The following BNC2 variants were observed in gnomAD, a reference collection of about 807,000 sequenced individuals.
BNC2 encodes the protein basonuclin zinc finger protein 2, also known as zinc finger protein basonuclin-2.
BNC2 carries 20 observed loss-of-function variants against 76.3 expected under a neutral mutation model. The observed-to-expected ratio is 0.26, with a 90% CI of 0.18 to 0.38. The LOEUF (loss-of-function observed/expected upper bound fraction) is 0.38. Ranked by LOEUF, BNC2 falls within the 10% of genes least tolerant of loss-of-function variation. The pLI is 1.00. For missense variants in BNC2, 1,382 were observed against 1,399.8 expected, an observed-to-expected ratio of 0.99 and a Z score of 0.20; for synonymous variants, 582 against 514.8, an observed-to-expected ratio of 1.13 and a Z score of -1.77.
At chr9:16,673,318 T>C (rs1404416265) in intron 3 of BNC2, among the ~76,000 whole-genome samples, 1 of 152,128 alleles carries the variant, frequency 6.6e-6, no homozygotes. Context: ...GTAGCTCTTA[T>C]AATAAACTTT....
intron 3 of BNC2, among the ~76,000 whole-genome samples, chr9:16,583,840 G>GCAGAAAA (rs1209043568): frequency 1.3e-5 from 2 of 152,090 alleles, no homozygotes; most frequent in South Asian, 4.1e-4. Context: ...CACCTGTATT[G>GCAGAAAA]CAGAAAACTG....
intron 1 of BNC2, among the ~76,000 whole-genome samples, chr9:16,857,805 T>A (rs1169338370): frequency 6.6e-6 from 1 of 152,186 alleles, no homozygotes; most frequent in Non-Finnish European, 1.5e-5. Context: ...ATTACTTAGA[T>A]GAAAATAAAT....
rs193215248 is a variant in BNC2 at position 16,739,494 on chromosome 9, C to A, written c.4-1009G>T. On this transcript the variant is annotated intron_variant, in intron 1 of 6. Transcript: ENST00000380672. ...GACCATCCTGGCCAAAATGGTGAAA[C>A]CCCGTCTCTACTAAAAATACAAAAG... is the stretch of plus-strand genomic sequence containing the variant. Among the ~76,000 whole-genome samples, 842 of 152,248 alleles carry A rather than the reference C, an allele frequency of 5.5e-3. 10 individuals are homozygous for A. The highest frequency in any genetic ancestry group is 0.018 in the African/African-American group (743 of 41,528).
In BNC2 at chr9:16,539,669, AGGGAGGG is replaced by A. The variant is rs1818246903; in HGVS notation, c.669+12854_669+12860del. ...AGAGAGAGAGAGAAGGGAGGGAGGGAGGGAGGGAGGAAGGAAGGAAGGGAGAAAGGAA... is the reference window on the plus strand; with the variant it reads ...AGAGAGAGAGAGAAGGGAGGGAGGGAAGGAAGGAAGGAAGGGAGAAAGGAA... On this transcript the variant is annotated intron_variant, in intron 5 of 6. Transcript: ENST00000380672. Among the ~76,000 whole-genome samples the A allele has an allele frequency of 1.9e-4, 4 of 20,888 alleles. 1 individual carries two copies. The highest frequency in any genetic ancestry group is 8.6e-4 in the African/African-American group (4 of 4,672). 13.7% of individuals were successfully genotyped at this position (20,888 alleles called of 152,430 possible).
At chr9:16,824,244 G>GT (rs556369790) in intron 1 of BNC2, among the ~76,000 whole-genome samples, 19 of 151,776 alleles carry the variant, frequency 1.3e-4, no homozygotes, top group South Asian at 2.1e-4. Flanking sequence ...GTGTTAAAGG[G>GT]TTTTTTTTGG....
intron 1 of BNC2, among the ~76,000 whole-genome samples, chr9:16,754,900 A>T (rs568617974): frequency 1.5e-4 from 23 of 152,272 alleles, no homozygotes; most frequent in African/African-American, 4.3e-4. Context: ...ATTCACTAAG[A>T]TCATTATTAA....
In BNC2 at chr9:16,418,747, CA is replaced by C. The variant is rs1296802410; in HGVS notation, c.*241del. On this transcript the variant is annotated 3_prime_UTR_variant, in exon 7 of 7. Coordinates refer to ENST00000380672, the MANE Select transcript of BNC2 (RefSeq NM_017637.6). ...GGGTACTCTGTTTTCACCCTGAAAT[CA>C]AAGATCCCACTCCTTTCCCAAAACT... is the stretch of plus-strand genomic sequence containing the variant. 3.8e-5 allele frequency: 19 copies of C among 494,686 alleles called. No homozygotes were observed. The East Asian group carries it at 7.3e-4, about 19-fold the overall frequency. 30.6% of individuals were successfully genotyped at this position (494,686 alleles called of 1,614,324 possible).
chr9:16,642,086 G>A (rs966969791), intron 3 of BNC2, among the ~76,000 whole-genome samples: 1 of 152,156 alleles, frequency 6.6e-6, no homozygotes, highest in Non-Finnish European at 1.5e-5. Context: ...AAAATAAGTA[G>A]TGACCCTTCT....
chr9:16,777,083 G>C (rs545046131), intron 1 of BNC2, among the ~76,000 whole-genome samples: 5 of 151,562 alleles, frequency 3.3e-5, no homozygotes, highest in Non-Finnish European at 7.4e-5. Context: ...CCGAGATGGC[G>C]CCACTACACT....
chr9:16,815,225 A>G (rs936663047), intron 1 of BNC2, among the ~76,000 whole-genome samples: 10 of 152,196 alleles, frequency 6.6e-5, no homozygotes, highest in African/African-American at 2.2e-4. Context: ...GCTAAACTAG[A>G]TTAAGTACAG....
intron 5 of BNC2, among the ~76,000 whole-genome samples, chr9:16,445,080 G>A (rs1183520306): frequency 6.6e-6 from 1 of 152,026 alleles, no homozygotes; most frequent in South Asian, 2.1e-4. Context: ...GAATAAAAAT[G>A]GCCACACAAA....
chr9:16,461,998 C>A (rs113620802), intron 5 of BNC2, among the ~76,000 whole-genome samples: 1 of 152,162 alleles, frequency 6.6e-6, no homozygotes, highest in Non-Finnish European at 1.5e-5. Flanking sequence ...TTCATTCACA[C>A]ACCTCCAGTT....
chr9:16,658,338 A>G (rs2134017811), intron 3 of BNC2, among the ~76,000 whole-genome samples: 1 of 152,300 alleles, frequency 6.6e-6, no homozygotes, highest in Middle Eastern at 3.4e-3. Context: ...GAGAGGGGGA[A>G]AAAAGAAAAC....
At chr9:16,808,750 G>A (rs905613600) in intron 1 of BNC2, among the ~76,000 whole-genome samples, 1 of 151,444 alleles carries the variant, frequency 6.6e-6, no homozygotes, top group South Asian at 2.1e-4. Flanking sequence ...AAAAAAATAA[G>A]AGTAGCTACA....
intron 4 of BNC2, among the ~76,000 whole-genome samples, chr9:16,574,595 T>C (rs936915657): frequency 5.3e-5 from 8 of 152,174 alleles, no homozygotes; most frequent in African/African-American, 1.9e-4. Flanking sequence ...ACTGGTGACC[T>C]GACCTCTGCA....
intron 4 of BNC2, among the ~76,000 whole-genome samples, chr9:16,555,050 C>T (rs761815516): frequency 1.4e-5 from 2 of 144,000 alleles, no homozygotes; most frequent in African/African-American, 3.0e-5. Flanking sequence ...GACGGAGTCT[C>T]GCTCTGTCGC....
chr9:16,656,664 A>C (rs1821939619), intron 3 of BNC2, among the ~76,000 whole-genome samples: 1 of 152,132 alleles, frequency 6.6e-6, no homozygotes, highest in African/African-American at 2.4e-5. Context: ...TTAGGGTTTT[A>C]TTTGTTTTTG....
intron 1 of BNC2, among the ~76,000 whole-genome samples, chr9:16,754,633 C>A (rs1258806640): frequency 6.6e-6 from 1 of 152,124 alleles, no homozygotes; most frequent in Non-Finnish European, 1.5e-5. Context: ...TCTCGACTCA[C>A]TACAAGCTCC....
At position 16,418,795 on chromosome 9, in the gene BNC2, T is replaced by G. The variant is rs1000474443; in HGVS notation, c.*194A>C. On this transcript the variant is annotated 3_prime_UTR_variant, in exon 7 of 7. Transcript: ENST00000380672. ...AACTATAAAGGGAAGTGAAAAAAATTCAAAAGCACCTAGTGTTTATCTTGT... is the reference window on the plus strand; with the variant it reads ...AACTATAAAGGGAAGTGAAAAAAATGCAAAAGCACCTAGTGTTTATCTTGT... 4 of 655,700 alleles carry G rather than the reference T, an allele frequency of 6.1e-6. No homozygotes were observed. The African/African-American group carries it at 7.5e-5, about 12-fold the overall frequency. The allele number at this position is 655,700 out of a possible 1,614,324, so 40.6% of individuals were successfully genotyped here.
Sources: gnomAD v4.1 joint callset for allele counts (sites outside exome capture counted in the v4.1 genomes callset) on GRCh38, gnomAD v4.1.1 for gene constraint, MANE v1.5 for transcripts, NCBI Gene and HGNC (gene_info 2026-07-23, HGNC 2026-07-21) for gene names.